Variants in SUGP2 observed in about 807,000 individuals in gnomAD.
The protein encoded by SUGP2 is SURP and G-patch domain-containing protein 2.
In SUGP2, 24 loss-of-function variants were observed where a neutral mutation model predicts 90.5. The observed-to-expected ratio is 0.27, with a 90% CI of 0.19 to 0.37. SUGP2 has a LOEUF of 0.37. SUGP2 is among the 10% of genes least tolerant of loss of function. SUGP2 has a pLI of 1.00. For missense variants in SUGP2, 1,233 were observed against 1,363.3 expected, an observed-to-expected ratio of 0.90 and a Z score of 1.51; for synonymous variants, 473 against 513.4, an observed-to-expected ratio of 0.92 and a Z score of 1.06.
intron 3 of SUGP2, among the ~76,000 whole-genome samples, chr19:19,021,468 G>T (rs536327581): frequency 6.6e-6 from 1 of 151,896 alleles, no homozygotes; most frequent in African/African-American, 2.4e-5. Flanking sequence ...AAGATGTTGA[G>T]GTTTACAGTC....
intron 5 of SUGP2, among the ~76,000 whole-genome samples, chr19:19,009,069 G>A (rs768403900): frequency 2.7e-4 from 41 of 152,056 alleles, no homozygotes; most frequent in Admixed American, 1.3e-4. Context: ...GTGCCACCAC[G>A]CCCAGCTAAT....
intron 6 of SUGP2, chr19:19,007,265 T>A (rs1174318554): frequency 1.3e-5 from 2 of 152,286 alleles, no homozygotes; most frequent in Non-Finnish European, 2.9e-5. Flanking sequence ...CGCCACCTTA[T>A]CCCTGTGTAG....
At chr19:19,026,341 TA>T in intron 2 of SUGP2, 115 bp from the exon 3 acceptor site, 1 of 1,003,014 alleles carries the variant, frequency 1.0e-6, no homozygotes, top group Non-Finnish European at 1.4e-6. Context: ...AACTGCTTTA[TA>T]CACCTCAGTG....
In SUGP2 at chr19:19,004,558, G is replaced by C. The variant is rs757993296; in HGVS notation, c.2539C>G (p.Pro847Ala). 5.6e-6 allele frequency: 9 copies of C among 1,614,260 alleles called. No individual in the cohort carries two copies. The Admixed American group carries it at 1.3e-4, about 24-fold the overall frequency. ...LCPSICFTSS[P>A]HNLHTGGGDT... ...CCACCACCAGTGTGAAGGTTGTGCG[G>C]AGATGACGTGAAACAAATTGATGGA... Residue 847 changes from proline (P) to alanine (A), a missense_variant, in exon 7 of 11, where the codon CCG becomes GCG. This residue lies in a region of SUGP2 where 540 missense variants were observed against 542.6 expected (regional missense o/e 1.00). Coordinates refer to ENST00000452918, the MANE Select transcript of SUGP2 (RefSeq NM_001017392.5).
chr19:19,010,155 G>A lies in SUGP2; in HGVS notation c.2038C>T (p.Arg680Trp), dbSNP rs755641426. Reference protein sequence around the residue: ...LKKKLLPWQRRGLLRAQGLRG... With the variant: ...LKKKLLPWQRWGLLRAQGLRG... Reference sequence around the variant, plus strand: ...AGCCCTTGAGCACGGAGGAGCCCCCGCCGCTGCCACGGAAGGAGTTTCTTC... The same window carrying A: ...AGCCCTTGAGCACGGAGGAGCCCCCACCGCTGCCACGGAAGGAGTTTCTTC... The change falls in exon 5 of 11, where the codon CGG becomes TGG. Residue 680 changes from arginine (R) to tryptophan (W), a missense_variant. Arg to Trp is a moderately radical substitution (Grantham distance 101). Transcript: ENST00000452918. 1.6e-5 allele frequency: 26 copies of A among 1,613,062 alleles called. No homozygotes were observed. The highest frequency in any genetic ancestry group is 1.5e-4 in the African/African-American group (11 of 74,868).
chr19:19,009,747 T>C (rs2058230153), intron 5 of SUGP2, 108 bp downstream of exon 5: 10 of 1,413,326 alleles, frequency 7.1e-6, no homozygotes, highest in Non-Finnish European at 9.5e-6. Flanking sequence ...CTAGAGCTTT[T>C]ATCCACTGCC....
intron 8 of SUGP2, among the ~76,000 whole-genome samples, chr19:18,998,576 CTGTGTGTGTGTATGCATG>C (rs2057702778): frequency 1.3e-5 from 2 of 151,862 alleles, no homozygotes; most frequent in African/African-American, 2.4e-5. Flanking sequence ...TATAAAGTAG[CTGTGTGTGTGTATGCATG>C]TGTGTGTGCG....
intron 3 of SUGP2, among the ~76,000 whole-genome samples, chr19:19,022,088 G>A (rs1310081776): frequency 6.6e-6 from 1 of 151,936 alleles, no homozygotes; most frequent in Non-Finnish European, 1.5e-5. Context: ...GGGTTCAAGC[G>A]ATTATCCTGC....
intron 8 of SUGP2, among the ~76,000 whole-genome samples, chr19:18,995,670 G>A (rs2057545984): frequency 6.6e-6 from 1 of 152,234 alleles, no homozygotes; most frequent in South Asian, 2.1e-4. Flanking sequence ...GGGGGCACCA[G>A]GGCACAGGCC....
Position 19,001,602 on chromosome 19 carries a change from A to G in SUGP2, c.2991+11T>C. The stretch of plus-strand genomic sequence containing the variant: ...ATACTTTGAGTGAGGACTACCAATG[A>G]TTACGCTCACCTTCTTTTTGGACAT... On this transcript the variant is annotated intron_variant, in intron 8 of 10. Transcript: ENST00000452918. 1 of 1,614,108 alleles carries G rather than the reference A, an allele frequency of 6.2e-7. No homozygotes were observed. Among genetic ancestry groups the G allele is most frequent in the South Asian group, 1.1e-5 (1 of 91,078 alleles).
At chr19:19,012,746 T>C (rs906058225) in intron 4 of SUGP2, among the ~76,000 whole-genome samples, 2 of 152,266 alleles carry the variant, frequency 1.3e-5, no homozygotes, top group Non-Finnish European at 1.5e-5. Flanking sequence ...TTTCCTGTGT[T>C]ATAAAATCTT....
At chr19:19,027,834 C>G (rs1015963705) in intron 2 of SUGP2, among the ~76,000 whole-genome samples, 1 of 152,208 alleles carries the variant, frequency 6.6e-6, no homozygotes, top group African/African-American at 2.4e-5. Context: ...GACAGGGTTT[C>G]ACCACATTGG....
At chr19:19,028,219 C>G (rs1253221574) in intron 2 of SUGP2, among the ~76,000 whole-genome samples, 1 of 152,138 alleles carries the variant, frequency 6.6e-6, no homozygotes, top group Non-Finnish European at 1.5e-5. Context: ...TTAAAAGGCC[C>G]CCAGGTGACG....
intron 8 of SUGP2, among the ~76,000 whole-genome samples, chr19:19,000,559 G>A (rs921652376): frequency 4.6e-5 from 7 of 152,120 alleles, no homozygotes; most frequent in African/African-American, 1.7e-4. Flanking sequence ...AAGTTTTTAT[G>A]TTTTATTTTT....
In SUGP2 at chr19:19,026,236, A is replaced by C; in HGVS notation, c.122-10T>G. On this transcript the variant is annotated splice_polypyrimidine_tract_variant and intron_variant, in intron 2 of 10. Transcript: ENST00000452918. Reference sequence around the variant, plus strand: ...ACTGCCCTTAAGAGATCTGAAATAAACCATCCAAAAAAAAAAAAGAAGAAG... The same window carrying C: ...ACTGCCCTTAAGAGATCTGAAATAACCCATCCAAAAAAAAAAAAGAAGAAG... The C allele has an allele frequency of 2.7e-6, 4 of 1,498,818 alleles. No homozygotes were observed. Among genetic ancestry groups the C allele is most frequent in the Non-Finnish European group, 3.5e-6 (4 of 1,131,552 alleles). The allele number at this position is 1,498,818 out of a possible 1,614,324, so 92.8% of individuals were successfully genotyped here.
At chr19:19,010,762 G>A (rs1044169427) in intron 4 of SUGP2, among the ~76,000 whole-genome samples, 1 of 152,158 alleles carries the variant, frequency 6.6e-6, no homozygotes, top group African/African-American at 2.4e-5. Context: ...ATTAACCAAG[G>A]AGCCTGCGGC....
intron 3 of SUGP2, among the ~76,000 whole-genome samples, chr19:19,020,340 G>A (rs987404622): frequency 1.3e-5 from 2 of 151,464 alleles, no homozygotes; most frequent in African/African-American, 4.8e-5. Context: ...GCTGAGGCAG[G>A]AGAATAGCGT....
At chr19:19,012,280 A>T (rs773818848) in intron 4 of SUGP2, among the ~76,000 whole-genome samples, 2 of 152,162 alleles carry the variant, frequency 1.3e-5, no homozygotes, top group Non-Finnish European at 2.9e-5. Flanking sequence ...CAACATGGGC[A>T]CTCTGGTTCT....
At chr19:19,006,392 C>T (rs1190255514) in intron 6 of SUGP2, among the ~76,000 whole-genome samples, 1 of 152,084 alleles carries the variant, frequency 6.6e-6, no homozygotes, top group Non-Finnish European at 1.5e-5. Context: ...TAGCGTCCAA[C>T]ACCTTGCCCA....
Sources: gnomAD v4.1 joint callset for allele counts (sites outside exome capture counted in the v4.1 genomes callset) on GRCh38, gnomAD v4.1.1 for gene constraint, gnomAD v4.1.1 regional missense constraint, MANE v1.5 for transcripts, NCBI Gene and HGNC (gene_info 2026-07-23, HGNC 2026-07-21) for gene names.